The following ENO4 variants were observed in gnomAD, a reference collection of about 807,000 sequenced individuals.
The protein encoded by ENO4 is enolase 4.
Under a neutral mutation model 63.2 loss-of-function variants are expected in ENO4, and 53 were observed. That is an observed-to-expected ratio of 0.84 (90% CI 0.67 to 1.05). The LOEUF is 1.05. Among genes scored for constraint, ENO4 ranks in the 50% least tolerant of loss-of-function variants. The pLI, the probability that ENO4 is intolerant of heterozygous loss-of-function variation, is 0.00. For synonymous variants in ENO4, 266 were observed against 283.8 expected (o/e 0.94, Z 0.63); for missense variants, 719 against 772.0 (o/e 0.93, Z 0.81).
chr10:116,895,385 T>C (rs1847482641), intron 10 of ENO4, among the ~76,000 whole-genome samples: 1 of 152,234 alleles, frequency 6.6e-6, no homozygotes, highest in African/African-American at 2.4e-5. Flanking sequence ...AGCCCTTTAT[T>C]GGACATTTGG....
chr10:116,879,850 G>C lies in ENO4; in HGVS notation c.1606-19G>C. 1 of 1,542,204 alleles carries C rather than the reference G, an allele frequency of 6.5e-7. No individual in the cohort carries two copies. Among genetic ancestry groups the C allele is most frequent in the South Asian group, 1.2e-5 (1 of 83,040 alleles). ...GACATGGCTCCTCCGTCTAAAATTA[G>C]TTTTTTCCCCCCTTTCAGGCTGTTG... On this transcript the variant is annotated intron_variant, in intron 12 of 13. Transcript: ENST00000341276.
At position 116,900,581 on chromosome 10, in the gene ENO4, C is replaced by G. The variant is rs1319801870; in HGVS notation, c.1195-10918C>G. The G allele has an allele frequency of 8.5e-6, 13 of 1,532,212 alleles. No individual in the cohort carries two copies. In the East Asian group the frequency reaches 1.5e-4, roughly 17 times the overall value. 94.9% of individuals were successfully genotyped at this position (1,532,212 alleles called of 1,614,324 possible). A position where few individuals can be genotyped will look rare whatever the true frequency, so the allele number is the denominator to read the frequency against. ...AAGGAGAAAAATCTATACACACACACTGAAGCATTTATCAGAAACTAACTT... is the reference window on the plus strand; with the variant it reads ...AAGGAGAAAAATCTATACACACACAGTGAAGCATTTATCAGAAACTAACTT... On this transcript the variant is annotated intron_variant, in intron 10 of 10. Coordinates refer to the ENO4 transcript ENST00000369207.
intron 7 of ENO4, among the ~76,000 whole-genome samples, chr10:116,867,039 C>T (rs1846567156): frequency 6.6e-6 from 1 of 152,214 alleles, no homozygotes; most frequent in East Asian, 1.9e-4. Context: ...ATGCAGGCCC[C>T]AACCCAAAGA....
chr10:116,861,697 G>A (rs1846419310), intron 6 of ENO4, among the ~76,000 whole-genome samples: 1 of 152,152 alleles, frequency 6.6e-6, no homozygotes, highest in Non-Finnish European at 1.5e-5. Context: ...GCCTGAAAGA[G>A]TCAATATGCC....
At chr10:116,911,555 A>G (rs1310623667) in exon 11 of ENO4, 8 of 1,550,606 alleles carry the variant, frequency 5.2e-6, no homozygotes, top group Admixed American at 2.0e-5. Context: ...GGAAACAATG[A>G]CTTTGGTGAA....
At position 116,879,832 on chromosome 10, in the gene ENO4, C is replaced by G. The variant is rs1015222549; in HGVS notation, c.1606-37C>G. 6.9e-6 allele frequency: 10 copies of G among 1,442,380 alleles called. No homozygotes were observed. In the African/African-American group the frequency reaches 1.4e-4, roughly 20 times the overall value. The allele number at this position is 1,442,380 out of a possible 1,614,324, so 89.3% of individuals were successfully genotyped here. A position where few individuals can be genotyped will look rare whatever the true frequency, so the allele number is the denominator to read the frequency against. The stretch of plus-strand genomic sequence containing the variant: ...TTGTTTGTCGTTTAGCAAGACATGG[C>G]TCCTCCGTCTAAAATTAGTTTTTTC... On this transcript the variant is annotated intron_variant, in intron 12 of 13. Transcript: ENST00000341276.
At chr10:116,899,413 GACCAT>G (rs1220461797) in intron 10 of ENO4, among the ~76,000 whole-genome samples, 1 of 152,016 alleles carries the variant, frequency 6.6e-6, no homozygotes, top group Non-Finnish European at 1.5e-5. Flanking sequence ...TCTTAGAGAA[GACCAT>G]ACTAGGCAGC....
downstream of ENO4, chr10:116,911,951 T>C (rs888556990): frequency 3.8e-6 from 3 of 783,504 alleles, no homozygotes; most frequent in Non-Finnish European, 6.6e-6. Context: ...GTAATATGTA[T>C]GACTATATAT....
At chr10:116,873,998 C>A in intron 9 of ENO4, 78 bp from the exon 10 acceptor site, 1 of 1,425,336 alleles carries the variant, frequency 7.0e-7, no homozygotes, top group South Asian at 1.5e-5. Flanking sequence ...TGAACGAAAA[C>A]GAATCTGAAC....
intron 8 of ENO4, among the ~76,000 whole-genome samples, chr10:116,869,699 G>A (rs1466088205): frequency 6.6e-6 from 1 of 152,192 alleles, no homozygotes; most frequent in Non-Finnish European, 1.5e-5. Context: ...CATCCCAGCA[G>A]GTGGTTCTCT....
At chr10:116,911,934 T>C (rs895024509), downstream of ENO4, 11 of 916,554 alleles carry the variant, frequency 1.2e-5, no homozygotes, top group Non-Finnish European at 1.8e-5. Flanking sequence ...TTAGTAGCCT[T>C]ATATTGGTAA....
chr10:116,852,239 CTG>C (rs1157270423), intron 1 of ENO4, among the ~76,000 whole-genome samples: 2 of 152,316 alleles, frequency 1.3e-5, no homozygotes, highest in Admixed American at 6.5e-5. Flanking sequence ...CTGTGCAGAA[CTG>C]TGAGTCAATT....
intron 9 of ENO4, among the ~76,000 whole-genome samples, chr10:116,872,399 A>G (rs1321591640): frequency 6.6e-6 from 1 of 152,106 alleles, no homozygotes; most frequent in Admixed American, 6.5e-5. Context: ...GTATCATGGG[A>G]GGTAACTGAA....
At chr10:116,876,301 G>T (rs768143043) in intron 11 of ENO4, 41 bp downstream of exon 11, 13 of 1,441,596 alleles carry the variant, frequency 9.0e-6, no homozygotes, top group African/African-American at 4.4e-5. Context: ...TAATGACTTG[G>T]TTATACAAGA....
In ENO4 at chr10:116,876,905, C is replaced by T. The variant is rs560981120; in HGVS notation, c.1537+645C>T. 3.5e-3 allele frequency among the ~76,000 whole-genome samples: 533 copies of T among 152,130 alleles called. 1 individual carries two copies. Among genetic ancestry groups the T allele is most frequent in the Non-Finnish European group, 5.7e-3 (387 of 68,000 alleles). On this transcript the variant is annotated intron_variant, in intron 11 of 13. Transcript: ENST00000341276. ...GGCGGAGCTTGCAGTGAGCCGAGATCGCGCCACTGCACTCCAGCCTGGGCG... is the reference window on the plus strand; with the variant it reads ...GGCGGAGCTTGCAGTGAGCCGAGATTGCGCCACTGCACTCCAGCCTGGGCG...
Position 116,859,104 on chromosome 10 carries a change from T to C in ENO4, c.600T>C (p.Pro200=). The C allele has an allele frequency of 1.8e-6, 2 of 1,087,526 alleles. No individual in the cohort carries two copies. The highest frequency in any genetic ancestry group is 1.3e-6 in the Non-Finnish European group (1 of 795,818). The allele number at this position is 1,087,526 out of a possible 1,614,324, so 67.4% of individuals were successfully genotyped here. A position where few individuals can be genotyped will look rare whatever the true frequency, so the allele number is the denominator to read the frequency against. The change falls in exon 4 of 14, where the codon CCT becomes CCC. Residue 200 remains proline, a synonymous_variant. Transcript: ENST00000341276. The part of the protein sequence containing the change: ...PLPPVPPPPP[P]PPPTKKKGQK... ...CTCCAGTACCACCACCACCACCCCC[T>C]CCACCTCCTACCAAAAAAAAGGGGC...
intron 10 of ENO4, among the ~76,000 whole-genome samples, chr10:116,897,078 A>G (rs1248213981): frequency 6.6e-6 from 1 of 152,062 alleles, no homozygotes; most frequent in African/African-American, 2.4e-5. Flanking sequence ...AAGTGCTGGG[A>G]TTGCTGGGAT....
intron 10 of ENO4, among the ~76,000 whole-genome samples, chr10:116,891,982 TAAAC>T (rs1475956044): frequency 6.6e-6 from 1 of 152,212 alleles, no homozygotes; most frequent in African/African-American, 2.4e-5. Flanking sequence ...TTTACATTGT[TAAAC>T]AACAGAATAC....
downstream of ENO4, chr10:116,886,394 T>C (rs1847164911): frequency 5.1e-6 from 8 of 1,573,746 alleles, no homozygotes; most frequent in Non-Finnish European, 6.9e-6. Flanking sequence ...CTGTCTTCTT[T>C]GTTTTCTGGT....
Sources: gnomAD v4.1 joint callset for allele counts (sites outside exome capture counted in the v4.1 genomes callset) on GRCh38, gnomAD v4.1.1 for gene constraint, MANE v1.5 for transcripts, NCBI Gene and HGNC (gene_info 2026-07-23, HGNC 2026-07-21) for gene names.